Variants in NECTIN3 observed in about 807,000 individuals in gnomAD.
NECTIN3 encodes the protein nectin-3.
In NECTIN3, 8 loss-of-function variants were observed where a neutral mutation model predicts 49.4. That is an observed-to-expected ratio of 0.16 (90% CI 0.10 to 0.29). The LOEUF is 0.29. Among genes scored for constraint, NECTIN3 ranks in the 10% least tolerant of loss-of-function variants. NECTIN3 has a pLI of 1.00. For synonymous variants in NECTIN3, 277 were observed against 241.1 expected (o/e 1.15, Z -1.38); for missense variants, 581 against 654.6 (o/e 0.89, Z 1.23).
At chr3:111,121,955 C>T (rs957844599) in intron 3 of NECTIN3, among the ~76,000 whole-genome samples, 166 bp from the exon 4 acceptor site, 3 of 152,036 alleles carry the variant, frequency 2.0e-5, no homozygotes, top group African/African-American at 7.2e-5. Flanking sequence ...TTCAGTCAGC[C>T]AATACTTGTG....
intron 1 of NECTIN3, among the ~76,000 whole-genome samples, chr3:111,102,870 GTCTGGTTGT>G (rs2032984534): frequency 6.6e-6 from 1 of 152,128 alleles, no homozygotes; most frequent in Non-Finnish European, 1.5e-5. Context: ...GTATGTGGAT[GTCTGGTTGT>G]TCCAGCATCA....
rs2034160597 is a variant in NECTIN3, at chr3:111,126,296, C to T, written c.1030C>T (p.Leu344Phe). The change falls in exon 5 of 6, where the codon CTT becomes TTT. Residue 344 changes from leucine to phenylalanine, a missense_variant. Leu to Phe is a conservative substitution (Grantham distance 22). Around this residue, in one of 3 missense-constraint regions of NECTIN3, gnomAD observed 234 missense variants for 340.6 expected, o/e 0.69. Transcript: ENST00000485303. ...TTATATCTGTAAAGTGACCAATTCCCTTGGTCAAAGAAGTGACCAAAAAGT... is the reference window on the plus strand; with the variant it reads ...TTATATCTGTAAAGTGACCAATTCCTTTGGTCAAAGAAGTGACCAAAAAGT... ...GVYICKVTNS[L>F]GQRSDQKVIY... 2.5e-6 allele frequency: 4 copies of T among 1,608,670 alleles called. No individual in the cohort carries two copies. In the East Asian group the frequency reaches 9.0e-5, roughly 36 times the overall value.
intron 7 of NECTIN3, among the ~76,000 whole-genome samples, chr3:111,150,302 A>AT (rs2034973563): frequency 6.9e-6 from 1 of 145,474 alleles, no homozygotes; most frequent in African/African-American, 2.8e-5. Flanking sequence ...CTATCAAGAG[A>AT]TTTTCTCTCC....
At chr3:111,083,735 A>G (rs933096738) in intron 1 of NECTIN3, among the ~76,000 whole-genome samples, 1 of 152,132 alleles carries the variant, frequency 6.6e-6, no homozygotes, top group Non-Finnish European at 1.5e-5. Flanking sequence ...TGCTTCAGGC[A>G]TGGAAAACAA....
intron 1 of NECTIN3, among the ~76,000 whole-genome samples, chr3:111,099,012 A>G (rs1026829104): frequency 6.7e-6 from 1 of 150,292 alleles, no homozygotes; most frequent in Non-Finnish European, 1.5e-5. Flanking sequence ...TGTTACCAAT[A>G]CTTGGGTTTT....
intron 1 of NECTIN3, among the ~76,000 whole-genome samples, chr3:111,084,614 G>C (rs1416361659): frequency 6.6e-6 from 1 of 152,094 alleles, no homozygotes. Flanking sequence ...GGTGATGTAA[G>C]GAAGGTAGGA....
downstream of NECTIN3, among the ~76,000 whole-genome samples, chr3:111,141,365 A>G (rs114036711): frequency 1.7e-3 from 257 of 152,108 alleles, 2 homozygotes; most frequent in African/African-American, 5.8e-3. Flanking sequence ...CTGAAGAGAA[A>G]AAAATAGGGC....
At chr3:111,091,970 T>C (rs189168245) in intron 1 of NECTIN3, among the ~76,000 whole-genome samples, 3 of 152,348 alleles carry the variant, frequency 2.0e-5, no homozygotes, top group Non-Finnish European at 2.9e-5. Flanking sequence ...TCTGCCTTTT[T>C]AATTGTAACC....
At chr3:111,145,370 A>G (rs2034848292) in intron 6 of NECTIN3, among the ~76,000 whole-genome samples, 2 of 152,222 alleles carry the variant, frequency 1.3e-5, no homozygotes, top group African/African-American at 4.8e-5. Context: ...CGAAGGACAT[A>G]TAAAAATATC....
chr3:111,090,757 G>C (rs538410506), intron 1 of NECTIN3, among the ~76,000 whole-genome samples: 3 of 150,958 alleles, frequency 2.0e-5, no homozygotes, highest in Non-Finnish European at 4.4e-5. Flanking sequence ...ATTTTCTTTA[G>C]TGCAAGTCTG....
At chr3:111,185,353 AT>A (rs1413765757) in intron 7 of NECTIN3, among the ~76,000 whole-genome samples, 1 of 152,076 alleles carries the variant, frequency 6.6e-6, no homozygotes, top group Non-Finnish European at 1.5e-5. Context: ...TATTTTGTGT[AT>A]ATGTATTTTT....
upstream of NECTIN3, chr3:111,192,213 C>T: frequency 2.8e-6 from 2 of 707,566 alleles, no homozygotes; most frequent in Admixed American, 5.6e-5. Flanking sequence ...CTTTTTCTTA[C>T]TCTCATGTGG....
chr3:111,131,678 A>G (rs1034582118), intron 5 of NECTIN3, among the ~76,000 whole-genome samples: 1 of 151,960 alleles, frequency 6.6e-6, no homozygotes, highest in Non-Finnish European at 1.5e-5. Context: ...GAAATGGACA[A>G]TAGATGACCA....
chr3:111,141,832 G>A (rs544209036), downstream of NECTIN3, among the ~76,000 whole-genome samples: 10 of 151,970 alleles, frequency 6.6e-5, no homozygotes, highest in East Asian at 1.9e-4. Context: ...TCCTTAGGTC[G>A]ATGGTAATGT....
In NECTIN3 at chr3:111,071,960, G is replaced by T; in HGVS notation, c.-58G>T. 1 of 1,289,136 alleles carries T rather than the reference G, an allele frequency of 7.8e-7. No homozygotes were observed. Among genetic ancestry groups the T allele is most frequent in the Non-Finnish European group, 1.0e-6 (1 of 991,604 alleles). The allele number at this position is 1,289,136 out of a possible 1,614,324, so 79.9% of individuals were successfully genotyped here. ...ACAGCCTCCGCCCAGAGCCTGAGGC[G>T]CCGGGGCCGGGGGAGCCGGGGGGCG... On this transcript the variant is annotated 5_prime_UTR_variant, in exon 1 of 6. Transcript: ENST00000485303.
At chr3:111,089,670 G>C (rs980300571) in intron 1 of NECTIN3, among the ~76,000 whole-genome samples, 1 of 151,972 alleles carries the variant, frequency 6.6e-6, no homozygotes. Flanking sequence ...TTCAGTCTTT[G>C]GGCCCAATAT....
chr3:111,160,102 T>C (rs1234764262), intron 7 of NECTIN3, among the ~76,000 whole-genome samples: 1 of 152,212 alleles, frequency 6.6e-6, no homozygotes, highest in East Asian at 1.9e-4. Flanking sequence ...TTATGAAATA[T>C]GTTGTTTGGA....
At chr3:111,166,089 G>A (rs1047393680) in intron 7 of NECTIN3, among the ~76,000 whole-genome samples, 4 of 152,130 alleles carry the variant, frequency 2.6e-5, no homozygotes, top group African/African-American at 9.7e-5. Flanking sequence ...TGCAAGTTTT[G>A]GTGATGCTCC....
chr3:111,174,758 A>T (rs1307001296), intron 7 of NECTIN3, among the ~76,000 whole-genome samples: 2 of 151,682 alleles, frequency 1.3e-5, no homozygotes, highest in African/African-American at 4.8e-5. Context: ...ATGCAGACAG[A>T]CAGGTGCAAG....
Sources: allele counts gnomAD v4.1 joint callset (sites outside exome capture counted in the v4.1 genomes callset), GRCh38; gene constraint gnomAD v4.1.1; regional missense constraint gnomAD v4.1.1; transcripts MANE v1.5; gene names NCBI Gene and HGNC (gene_info 2026-07-23, HGNC 2026-07-21).